GPR137C: variants seen among roughly 807,000 people sequenced by gnomAD.
GPR137C encodes G protein-coupled receptor 137C, also known as integral membrane protein GPR137C.
GPR137C carries 27 observed loss-of-function variants against 43.4 expected under a neutral mutation model. The ratio of observed to expected loss-of-function variants is 0.62; its 90% CI spans 0.46 to 0.86. The LOEUF (loss-of-function observed/expected upper bound fraction) is 0.86, where lower values mean the gene tolerates loss of function less well. Ranked by LOEUF, GPR137C falls within the 40% of genes least tolerant of loss-of-function variation. The pLI, the probability that GPR137C is intolerant of heterozygous loss-of-function variation, is 0.00. For synonymous variants in GPR137C, 285 were observed against 226.9 expected, an observed-to-expected ratio of 1.26 and a Z score of -2.30; for missense variants, 522 against 534.6, an observed-to-expected ratio of 0.98 and a Z score of 0.23.
chr14:52,578,055 AT>A, intron 1 of GPR137C, among the ~76,000 whole-genome samples: 1 of 152,270 alleles, frequency 6.6e-6, no homozygotes, highest in South Asian at 2.1e-4. Context: ...TACAATTCTG[AT>A]TTTTTATTAT....
chr14:52,575,364 C>T (rs1259848581), intron 1 of GPR137C, among the ~76,000 whole-genome samples: 1 of 152,046 alleles, frequency 6.6e-6, no homozygotes, highest in Non-Finnish European at 1.5e-5. Context: ...CACTACATTC[C>T]AGCTTGGATG....
At chr14:52,553,726 C>T in intron 1 of GPR137C, 135 bp downstream of exon 1, 3 of 747,100 alleles carry the variant, frequency 4.0e-6, no homozygotes, top group Non-Finnish European at 4.3e-6. Context: ...GAAACTGAGG[C>T]ACACCTGGAG....
At chr14:52,607,757 C>T (rs1490277828) in intron 3 of GPR137C, among the ~76,000 whole-genome samples, 1 of 152,100 alleles carries the variant, frequency 6.6e-6, no homozygotes, top group African/African-American at 2.4e-5. Flanking sequence ...TGCCTGTAAT[C>T]CCAGCTGCTT....
intron 1 of GPR137C, among the ~76,000 whole-genome samples, chr14:52,556,077 A>G (rs949933429): frequency 6.6e-6 from 1 of 152,140 alleles, no homozygotes; most frequent in Non-Finnish European, 1.5e-5. Flanking sequence ...GGTGATAAAT[A>G]TAAGACTTAA....
At position 52,637,449 on chromosome 14, in the gene GPR137C, A is replaced by G. The variant is rs1358124419; in HGVS notation, c.*2334A>G. Reference sequence around the variant, plus strand: ...ATAGTGATTAGCAGTATTTGTTTTCATCATTTCACTTGGGTGGCCATTAAT... The same window carrying G: ...ATAGTGATTAGCAGTATTTGTTTTCGTCATTTCACTTGGGTGGCCATTAAT... On this transcript the variant is annotated 3_prime_UTR_variant, in exon 7 of 7. Transcript: ENST00000321662. 1 of 152,146 alleles carries G rather than the reference A, an allele frequency of 6.6e-6. No individual in the cohort carries two copies. The highest frequency in any genetic ancestry group is 1.5e-5 in the Non-Finnish European group (1 of 68,010). 9.4% of individuals were successfully genotyped at this position (152,146 alleles called of 1,614,324 possible).
At chr14:52,570,656 A>T (rs2038451679) in intron 1 of GPR137C, among the ~76,000 whole-genome samples, 1 of 152,224 alleles carries the variant, frequency 6.6e-6, no homozygotes, top group Non-Finnish European at 1.5e-5. Flanking sequence ...AGGAATATTT[A>T]CCAAGCAAAT....
chr14:52,570,036 A>G (rs1301509165), intron 1 of GPR137C, among the ~76,000 whole-genome samples: 2 of 152,238 alleles, frequency 1.3e-5, no homozygotes, highest in Admixed American at 6.5e-5. Flanking sequence ...TGCAAGACAC[A>G]TAATCATCAG....
chr14:52,563,455 C>T (rs1286453318), intron 1 of GPR137C, among the ~76,000 whole-genome samples: 1 of 152,134 alleles, frequency 6.6e-6, no homozygotes, highest in African/African-American at 2.4e-5. Context: ...GATCTTTCTT[C>T]CTCCTCTCCC....
intron 3 of GPR137C, among the ~76,000 whole-genome samples, chr14:52,606,909 T>C (rs1157393669): frequency 6.6e-6 from 1 of 152,210 alleles, no homozygotes; most frequent in Non-Finnish European, 1.5e-5. Flanking sequence ...TTCTATTTTT[T>C]TGATGGAGGC....
chr14:52,588,744 G>T (rs746366840), intron 1 of GPR137C, among the ~76,000 whole-genome samples: 1 of 151,872 alleles, frequency 6.6e-6, no homozygotes. Flanking sequence ...TGGAATGATT[G>T]GAAAAATATG....
At chr14:52,577,962 C>T (rs1327709713) in intron 1 of GPR137C, among the ~76,000 whole-genome samples, 1 of 151,584 alleles carries the variant, frequency 6.6e-6, no homozygotes, top group East Asian at 1.9e-4. Context: ...GAGACCCTGT[C>T]TCAAAAAAAA....
chr14:52,624,813 T>C (rs2039203174), intron 3 of GPR137C, among the ~76,000 whole-genome samples: 1 of 151,724 alleles, frequency 6.6e-6, no homozygotes, highest in African/African-American at 2.4e-5. Flanking sequence ...CAAAAGTTGA[T>C]TCTTGAATAC....
At chr14:52,593,334 T>C (rs1417800971) in intron 1 of GPR137C, among the ~76,000 whole-genome samples, 2 of 152,206 alleles carry the variant, frequency 1.3e-5, no homozygotes, top group Admixed American at 6.5e-5. Context: ...GTCGGGATGA[T>C]GCTGGCCCCA....
chr14:52,577,183 CAAAAAAAAAAAAAAAAAA>C (rs34249999), intron 1 of GPR137C, among the ~76,000 whole-genome samples: 7 of 41,172 alleles, frequency 1.7e-4, no homozygotes, highest in South Asian at 1.2e-3. Flanking sequence ...TAAGACTCCT[CAAAAAAAAAAAAAAAAAA>C]AAAAAAAAAA....
At chr14:52,555,772 G>T (rs2038183294) in intron 1 of GPR137C, among the ~76,000 whole-genome samples, 1 of 152,098 alleles carries the variant, frequency 6.6e-6, no homozygotes, top group South Asian at 2.1e-4. Flanking sequence ...TGAGTTGTTT[G>T]TCTATCCTTT....
intron 3 of GPR137C, among the ~76,000 whole-genome samples, chr14:52,617,677 T>TCAAA (rs569372693): frequency 2.8e-4 from 43 of 152,166 alleles, no homozygotes; most frequent in African/African-American, 5.8e-4. Flanking sequence ...AGAGTCCTTC[T>TCAAA]CAAACAAACA....
chr14:52,559,621 A>G, intron 1 of GPR137C, among the ~76,000 whole-genome samples: 1 of 152,160 alleles, frequency 6.6e-6, no homozygotes, highest in East Asian at 1.9e-4. Context: ...TTGGCAGCAT[A>G]TTACCTAGGA....
chr14:52,570,653 T>C (rs925446099), intron 1 of GPR137C, among the ~76,000 whole-genome samples: 9 of 152,094 alleles, frequency 5.9e-5, no homozygotes, highest in African/African-American at 2.2e-4. Context: ...TGGAGGAATA[T>C]TTACCAAGCA....
chr14:52,616,966 G>A (rs1171513966), intron 3 of GPR137C, among the ~76,000 whole-genome samples: 1 of 152,128 alleles, frequency 6.6e-6, no homozygotes, highest in Non-Finnish European at 1.5e-5. Flanking sequence ...AGCCATAATT[G>A]TATAATGTTG....
Sources: gnomAD v4.1 joint callset for allele counts (sites outside exome capture counted in the v4.1 genomes callset) on GRCh38, gnomAD v4.1.1 for gene constraint, MANE v1.5 for transcripts, NCBI Gene and HGNC (gene_info 2026-07-23, HGNC 2026-07-21) for gene names.